The following ATXN3 variants were observed in gnomAD, a reference collection of about 807,000 sequenced individuals.
ATXN3 encodes ataxin 3, also known as ataxin-3.
ATXN3 carries 28 observed loss-of-function variants against 58.2 expected under a neutral mutation model. The ratio of observed to expected loss-of-function variants is 0.48; its 90% confidence interval spans 0.36 to 0.66. ATXN3 has a LOEUF of 0.66. ATXN3 is among the 30% of genes least tolerant of loss of function. ATXN3 has a pLI of 0.00. For synonymous variants in ATXN3, 113 were observed against 138.5 expected (o/e 0.82, Z 1.29); for missense variants, 321 against 422.1 (o/e 0.76, Z 2.10).
At chr14:92,054,917 T>C (rs1041116764), downstream of ATXN3, among the ~76,000 whole-genome samples, 1 of 152,236 alleles carries the variant, frequency 6.6e-6, no homozygotes. Flanking sequence ...AGTCTTGTTC[T>C]GTCACCTAAT....
chr14:92,106,068 C>A (rs2068255337), intron 1 of ATXN3, among the ~76,000 whole-genome samples: 1 of 151,774 alleles, frequency 6.6e-6, no homozygotes, highest in African/African-American at 2.4e-5. Context: ...AGGGAAGACT[C>A]CAATATAGAA....
At chr14:92,054,147 G>T (rs1347140664), downstream of ATXN3, among the ~76,000 whole-genome samples, 3 of 152,072 alleles carry the variant, frequency 2.0e-5, no homozygotes, top group Non-Finnish European at 2.9e-5. Flanking sequence ...TGTTGGCCAG[G>T]CTGGTCTTGA....
chr14:92,048,500 C>T (rs2057436849), intron 1 of ATXN3, among the ~76,000 whole-genome samples: 1 of 152,072 alleles, frequency 6.6e-6, no homozygotes, highest in African/African-American at 2.4e-5. Flanking sequence ...GTAAAGTGTC[C>T]AAGGGTTGTT....
intron 1 of ATXN3, 54 bp downstream of exon 1, chr14:92,106,475 C>A: frequency 6.2e-7 from 1 of 1,611,172 alleles, no homozygotes; most frequent in South Asian, 1.1e-5. Context: ...TGATGCCGCG[C>A]TCCACGCCCG....
downstream of ATXN3, among the ~76,000 whole-genome samples, chr14:92,055,373 C>G (rs1212023454): frequency 6.6e-6 from 1 of 151,932 alleles, no homozygotes; most frequent in Non-Finnish European, 1.5e-5. This position sits in a 1 kb window ranked among gnomAD's most constrained non-coding sequence, Gnocchi z 4.5. Context: ...ATTTTGTAAC[C>G]ATTTTCAGTT....
At position 92,071,010 on chromosome 14, in the gene ATXN3, C is replaced by CCTGCTG. The variant is rs193922928; in HGVS notation, c.910_915dup (p.Gln304_Gln305dup). 6.0e-4 allele frequency: 876 copies of CCTGCTG among 1,456,778 alleles called. 43 individuals carry two copies. Among genetic ancestry groups the CCTGCTG allele is most frequent in the Middle Eastern group, 5.0e-3 (27 of 5,430 alleles). 90.2% of individuals were successfully genotyped at this position (1,456,778 alleles called of 1,614,324 possible). A position where few individuals can be genotyped will look rare whatever the true frequency, so the allele number is the denominator to read the frequency against. Reference sequence around the variant, plus strand: ...TGTGAACTCTGTCCTGATAGGTCCCCCTGCTGCTGCTGCTGCTGCTGCTGT... The same window carrying CCTGCTG: ...TGTGAACTCTGTCCTGATAGGTCCCCCTGCTGCTGCTGCTGCTGCTGCTGCTGCTGT... On this transcript the variant is annotated inframe_insertion, in exon 10 of 11. Coordinates refer to ENST00000644486, the MANE Select transcript of ATXN3 (RefSeq NM_004993.6).
chr14:92,048,354 T>C (rs111356430), intron 1 of ATXN3, among the ~76,000 whole-genome samples: 6,690 of 152,308 alleles, frequency 0.044, 439 homozygotes, highest in African/African-American at 0.14. Context: ...TTGAAGGTGA[T>C]GTTAATTAAG....
intron 9 of ATXN3, among the ~76,000 whole-genome samples, chr14:92,074,550 C>A (rs2060014769): frequency 6.6e-6 from 1 of 152,138 alleles, no homozygotes; most frequent in Non-Finnish European, 1.5e-5. Context: ...AATTTAATAT[C>A]CTCATTACCC....
chr14:92,082,649 C>CTTTTTTT (rs34366039), intron 7 of ATXN3, among the ~76,000 whole-genome samples, 183 bp from the exon 8 acceptor site: 1 of 132,914 alleles, frequency 7.5e-6, no homozygotes. Flanking sequence ...TTTTCCGTTT[C>CTTTTTTT]TTTTTTTTTT....
chr14:92,092,901 C>T (rs929590538), intron 5 of ATXN3, among the ~76,000 whole-genome samples: 4 of 149,976 alleles, frequency 2.7e-5, no homozygotes, highest in Non-Finnish European at 5.9e-5. Context: ...CTTACTCTGT[C>T]ACCCAGGCTG....
intron 10 of ATXN3, among the ~76,000 whole-genome samples, chr14:92,068,019 A>G (rs570669309): frequency 1.3e-5 from 2 of 152,188 alleles, no homozygotes; most frequent in East Asian, 3.9e-4. Context: ...GACATTGTGG[A>G]GGTGTCCTTG....
intron 6 of ATXN3, among the ~76,000 whole-genome samples, chr14:92,084,858 G>C (rs2062091766): frequency 6.6e-6 from 1 of 152,122 alleles, no homozygotes; most frequent in African/African-American, 2.4e-5. Flanking sequence ...GGGATTACAG[G>C]TGTGAGCCAC....
Position 92,106,562 on chromosome 14 carries a change from T to C in ATXN3, c.-10A>G, listed in dbSNP as rs1364852404. 1 of 1,612,840 alleles carries C rather than the reference T, an allele frequency of 6.2e-7. No individual in the cohort carries two copies. ...GGAAGATGGACTCCATGTTTATTTG[T>C]CTGGAGCCAACGGCCCCCACGCCGA... On this transcript the variant is annotated 5_prime_UTR_variant, in exon 1 of 11. Transcript: ENST00000644486.
chr14:92,071,035 T>G lies in ATXN3; in HGVS notation c.891A>C (p.Gln297His). Residue 297 changes from glutamine to histidine, a missense_variant, in exon 10 of 11, where the codon CAA becomes CAC. Physicochemically the swap from Gln to His is conservative, Grantham distance 24. This residue lies in a region of ATXN3 where 200 missense variants were observed against 223.2 expected (regional missense o/e 0.90). Coordinates refer to ENST00000644486, the MANE Select transcript of ATXN3 (RefSeq NM_004993.6). The part of the protein sequence containing the change: ...AYFEKQQQKQ[Q>H]QQQQQQQQGD... ...CCTGCTGCTGCTGCTGCTGCTGCTG[T>G]TGCTGCTTTTGCTGCTGTCTGAAAC... 1 of 557,266 alleles carries G rather than the reference T, an allele frequency of 1.8e-6. No homozygotes were observed. Among genetic ancestry groups the G allele is most frequent in the Non-Finnish European group, 2.5e-6 (1 of 394,068 alleles). 34.5% of individuals were successfully genotyped at this position (557,266 alleles called of 1,614,324 possible). A position where few individuals can be genotyped will look rare whatever the true frequency, so the allele number is the denominator to read the frequency against.
chr14:92,094,018 G>C (rs1397267524), intron 3 of ATXN3, among the ~76,000 whole-genome samples, 187 bp from the exon 4 acceptor site: 1 of 149,028 alleles, frequency 6.7e-6, no homozygotes, highest in South Asian at 2.1e-4. Context: ...ATCTCGGCTC[G>C]CTGCAACCTC....
At chr14:92,077,194 T>C (rs527415987) in intron 9 of ATXN3, among the ~76,000 whole-genome samples, 3 of 152,140 alleles carry the variant, frequency 2.0e-5, no homozygotes, top group Non-Finnish European at 4.4e-5. Context: ...TTATGCCACA[T>C]CCATTCATTT....
chr14:92,078,460 C>T (rs2060841102), intron 9 of ATXN3, among the ~76,000 whole-genome samples: 1 of 152,056 alleles, frequency 6.6e-6, no homozygotes, highest in South Asian at 2.1e-4. Flanking sequence ...CTCCCGGGTT[C>T]AAGTGATTCT....
intron 10 of ATXN3, 112 bp downstream of exon 10, chr14:92,070,823 T>C: frequency 6.3e-7 from 1 of 1,594,130 alleles, no homozygotes; most frequent in Middle Eastern, 1.7e-4. Context: ...TTAAGATTCT[T>C]AATATGATTA....
At chr14:92,096,252 AACAGC>A in intron 2 of ATXN3, 115 bp from the exon 3 acceptor site, 1 of 1,595,970 alleles carries the variant, frequency 6.3e-7, no homozygotes, top group East Asian at 2.3e-5. Context: ...TTCCAAAGTT[AACAGC>A]ACAGTTATAA....
Sources: allele counts gnomAD v4.1 joint callset (sites outside exome capture counted in the v4.1 genomes callset), GRCh38; gene constraint gnomAD v4.1.1; regional missense constraint gnomAD v4.1.1; non-coding constraint Gnocchi (gnomAD v3.1); transcripts MANE v1.5; gene names NCBI Gene and HGNC (gene_info 2026-07-23, HGNC 2026-07-21).